Variants in C17orf67 observed in about 807,000 individuals in gnomAD.
C17orf67 encodes the protein chromosome 17 open reading frame 67, also known as uncharacterized protein C17orf67.
A neutral mutation model predicts 11.2 loss-of-function variants in C17orf67; 12 were observed. The ratio of observed to expected loss-of-function variants is 1.07; its 90% CI spans 0.68 to 1.73. C17orf67 has a LOEUF of 1.73. Ranked by LOEUF, C17orf67 falls within the 40% of genes most tolerant of loss-of-function variation. The probability of loss-of-function intolerance (pLI) is 0.00; values close to 1 mark genes in which losing one functional copy is unlikely to be tolerated. For missense variants in C17orf67, 115 were observed against 113.5 expected (o/e 1.01, Z -0.06); for synonymous variants, 59 against 46.9 (o/e 1.26, Z -1.05).
In C17orf67 at chr17:56,828,294, A is replaced by C. The variant is rs570000373; in HGVS notation, c.-556-2973T>G. Among the ~76,000 whole-genome samples the C allele has an allele frequency of 1.8e-4, 28 of 151,860 alleles. No homozygotes were observed. The South Asian group carries it at 4.2e-3, about 23-fold the overall frequency. ...GTGGCGCATGCGTGTAATCCCAGCT[A>C]CTCGGGAGGCTGAGGTAGGAGAATC... On this transcript the variant is annotated intron_variant, in intron 2 of 7. Coordinates refer to ENST00000397861, the MANE Select transcript of C17orf67 (RefSeq NM_001085430.4).
intron 7 of C17orf67, among the ~76,000 whole-genome samples, chr17:56,793,688 A>G (rs1905159081): frequency 1.3e-5 from 2 of 152,238 alleles, no homozygotes; most frequent in South Asian, 4.1e-4. Flanking sequence ...AGTCAAACTC[A>G]GCTCTGGCCA....
Position 56,826,914 on chromosome 17 carries a change from G to A in C17orf67, c.-556-1593C>T, listed in dbSNP as rs149678637. Among the ~76,000 whole-genome samples the A allele has an allele frequency of 5.3e-4, 80 of 152,334 alleles. 1 individual carries two copies. The East Asian group carries it at 9.6e-3, about 18-fold the overall frequency. On this transcript the variant is annotated intron_variant, in intron 2 of 7. Transcript: ENST00000397861. The stretch of plus-strand genomic sequence containing the variant: ...GCAAGTGCAGAGATGGAAGCAGGGT[G>A]CAGTACCTGTAAACAGTGCCTGTAA...
chr17:56,795,160 G>C lies in C17orf67; in HGVS notation c.177C>G (p.Leu59=), dbSNP rs373056538. 2.5e-6 allele frequency: 4 copies of C among 1,614,100 alleles called. No individual in the cohort carries two copies. Among genetic ancestry groups the C allele is most frequent in the Non-Finnish European group, 3.4e-6 (4 of 1,180,006 alleles). ...EPMREYMHHL[L]ALEHRAEEQF... is the part of the protein sequence containing the mutation. ...GCTCCTCAGCGCGATGCTCCAGGGCGAGCAGGTGGTGCATGTATTCCTGTC... is the reference window on the plus strand; with the variant it reads ...GCTCCTCAGCGCGATGCTCCAGGGCCAGCAGGTGGTGCATGTATTCCTGTC... The change falls in exon 7 of 8, where the codon CTC becomes CTG. Residue 59 remains leucine (L), a synonymous_variant. Transcript: ENST00000397861.
At chr17:56,803,024 G>A (rs1015881610) in intron 6 of C17orf67, among the ~76,000 whole-genome samples, 2 of 152,164 alleles carry the variant, frequency 1.3e-5, no homozygotes, top group African/African-American at 2.4e-5. Context: ...TCCCCACCAC[G>A]CACTTACAGT....
chr17:56,807,903 TAATA>T (rs58915926), intron 6 of C17orf67, among the ~76,000 whole-genome samples: 27,369 of 144,326 alleles, frequency 0.19, 2,736 homozygotes, highest in Middle Eastern at 0.27. Context: ...AATAAATAAA[TAATA>T]AATAAATAAA....
At chr17:56,802,841 C>T (rs368159914) in intron 6 of C17orf67, among the ~76,000 whole-genome samples, 51 of 152,330 alleles carry the variant, frequency 3.3e-4, no homozygotes, top group African/African-American at 1.1e-3. Flanking sequence ...GCTGTGCTCC[C>T]CTCAGAGGCC....
At chr17:56,817,386 C>T (rs1469097337) in intron 4 of C17orf67, among the ~76,000 whole-genome samples, 4 of 151,476 alleles carry the variant, frequency 2.6e-5, no homozygotes, top group African/African-American at 9.7e-5. Flanking sequence ...AGATTGTAAA[C>T]AAGAAAAAAA....
chr17:56,796,086 G>A lies in C17orf67; in HGVS notation c.157-906C>T, dbSNP rs1313630505. Among the ~76,000 whole-genome samples, 3 of 152,154 alleles carry A rather than the reference G, an allele frequency of 2.0e-5. No individual in the cohort carries two copies. The South Asian group carries it at 6.2e-4, about 32-fold the overall frequency. On this transcript the variant is annotated intron_variant, in intron 6 of 7. Coordinates refer to ENST00000397861, the MANE Select transcript of C17orf67 (RefSeq NM_001085430.4). ...CAAAAAGACTTTAAAATATAAAAATGTTACTAGAAATAGAGAAGCATTTTG... is the reference window on the plus strand; with the variant it reads ...CAAAAAGACTTTAAAATATAAAAATATTACTAGAAATAGAGAAGCATTTTG...
At position 56,810,347 on chromosome 17, in the gene C17orf67, T is replaced by TCA. The variant is rs534503891; in HGVS notation, c.156+4520_156+4521dup. 3.4e-3 allele frequency among the ~76,000 whole-genome samples: 397 copies of TCA among 117,208 alleles called. 2 individuals are homozygous for TCA. Among genetic ancestry groups the TCA allele is most frequent in the Admixed American group, 5.8e-3 (67 of 11,606 alleles). 76.9% of individuals were successfully genotyped at this position (117,208 alleles called of 152,430 possible). ...TTCTCACATTCGAATACACACACCC[T>TCA]CACACACACACCCCTCACACATCCC... On this transcript the variant is annotated intron_variant, in intron 6 of 7. Coordinates refer to ENST00000397861, the MANE Select transcript of C17orf67 (RefSeq NM_001085430.4).
At chr17:56,793,166 T>C (rs557427106) in intron 7 of C17orf67, among the ~76,000 whole-genome samples, 1 of 150,960 alleles carries the variant, frequency 6.6e-6, no homozygotes, top group Non-Finnish European at 1.5e-5. Context: ...TTTCCAGGCA[T>C]TGACTTTTTT....
chr17:56,831,838 C>T (rs1056187705), intron 2 of C17orf67, among the ~76,000 whole-genome samples: 3 of 152,188 alleles, frequency 2.0e-5, no homozygotes, highest in Admixed American at 6.5e-5. Flanking sequence ...CTTCCCTGAG[C>T]CCCCTTTTCA....
intron 6 of C17orf67, among the ~76,000 whole-genome samples, chr17:56,798,680 A>T (rs1458481626): frequency 6.6e-6 from 1 of 152,034 alleles, no homozygotes; most frequent in African/African-American, 2.4e-5. Flanking sequence ...ATACAAAAAA[A>T]AAAATAGCTA....
chr17:56,831,230 G>A (rs1906192065), intron 2 of C17orf67, among the ~76,000 whole-genome samples: 1 of 152,074 alleles, frequency 6.6e-6, no homozygotes, highest in Non-Finnish European at 1.5e-5. Context: ...AGATGGGCTC[G>A]AGTCCAGGAC....
chr17:56,795,635 T>G (rs762269623), intron 6 of C17orf67, among the ~76,000 whole-genome samples: 4 of 152,208 alleles, frequency 2.6e-5, no homozygotes, highest in Non-Finnish European at 5.9e-5. Context: ...AGTTCCTAGC[T>G]AATAGTTATA....
At chr17:56,808,438 T>G (rs1905509055) in intron 6 of C17orf67, among the ~76,000 whole-genome samples, 1 of 152,196 alleles carries the variant, frequency 6.6e-6, no homozygotes, top group Admixed American at 6.5e-5. Flanking sequence ...CTCCATATGC[T>G]GCCTCCATAC....
intron 4 of C17orf67, among the ~76,000 whole-genome samples, chr17:56,817,939 G>T: frequency 6.6e-6 from 1 of 151,404 alleles, no homozygotes; most frequent in East Asian, 1.9e-4. Flanking sequence ...AACCTCCCAG[G>T]CTTAAGTGAT....
intron 2 of C17orf67, among the ~76,000 whole-genome samples, chr17:56,831,149 G>A (rs2039733310): frequency 9.6e-6 from 1 of 103,768 alleles, no homozygotes; most frequent in African/African-American, 3.4e-5. Flanking sequence ...CCAGGTGGGA[G>A]GCTGTGACAG....
At chr17:56,809,542 T>TTA (rs1905538943) in intron 6 of C17orf67, among the ~76,000 whole-genome samples, 1 of 95,136 alleles carries the variant, frequency 1.1e-5, no homozygotes. Flanking sequence ...CGTACACCCC[T>TTA]CACACACACC....
At chr17:56,830,489 A>G (rs773851919) in intron 2 of C17orf67, among the ~76,000 whole-genome samples, 1 of 152,286 alleles carries the variant, frequency 6.6e-6, no homozygotes, top group Non-Finnish European at 1.5e-5. Context: ...AATAAATTAC[A>G]TGGAGATGGT....
Sources: gnomAD v4.1 joint callset for allele counts (sites outside exome capture counted in the v4.1 genomes callset) on GRCh38, gnomAD v4.1.1 for gene constraint, MANE v1.5 for transcripts, NCBI Gene and HGNC (gene_info 2026-07-23, HGNC 2026-07-21) for gene names.